Variants in COL14A1 observed in about 807,000 individuals in gnomAD.
COL14A1 encodes collagen alpha-1(XIV) chain.
COL14A1 carries 136 observed loss-of-function variants against 230.3 expected under a neutral mutation model. The ratio of observed to expected loss-of-function variants is 0.59; its 90% CI spans 0.51 to 0.68. The LOEUF (loss-of-function observed/expected upper bound fraction) is 0.68, where lower values mean the gene tolerates loss of function less well. Among genes scored for constraint, COL14A1 ranks in the 30% least tolerant of loss-of-function variants. COL14A1 has a pLI of 0.00. For missense variants in COL14A1, 1,976 were observed against 2,215.8 expected, an observed-to-expected ratio of 0.89 and a Z score of 2.17; for synonymous variants, 792 against 784.1, an observed-to-expected ratio of 1.01 and a Z score of -0.17.
At chr8:120,321,340 G>C (rs912179915) in intron 40 of COL14A1, among the ~76,000 whole-genome samples, 3 of 152,018 alleles carry the variant, frequency 2.0e-5, no homozygotes, top group Non-Finnish European at 4.4e-5. Context: ...TGTTTTTACT[G>C]ACTCTAGAGA....
chr8:120,175,051 G>T (rs1816234210), intron 5 of COL14A1, among the ~76,000 whole-genome samples: 1 of 152,180 alleles, frequency 6.6e-6, no homozygotes, highest in Non-Finnish European at 1.5e-5. Flanking sequence ...AGTCTACACT[G>T]ATAGTGGCTG....
chr8:120,147,844 TGAA>T lies in COL14A1; in HGVS notation c.5_7del (p.Lys2?), dbSNP rs778945405. ...CCCATGTAAAAAGCGGAAAATAAAA[TGAA>T]GATTTTCCAGCGCAAGATGCGGTAC... is the stretch of plus-strand genomic sequence containing the variant. On this transcript the variant is annotated start_lost and inframe_deletion, in exon 2 of 48. Transcript: ENST00000297848. 1 of 1,612,918 alleles carries T rather than the reference TGAA, an allele frequency of 6.2e-7. No individual in the cohort carries two copies. The highest frequency in any genetic ancestry group is 8.5e-7 in the Non-Finnish European group (1 of 1,179,480).
chr8:120,239,182 C>G (rs1228168495), intron 19 of COL14A1, among the ~76,000 whole-genome samples: 1 of 152,152 alleles, frequency 6.6e-6, no homozygotes, highest in Non-Finnish European at 1.5e-5. Flanking sequence ...CCTGAAAATT[C>G]TTTCTTAGAC....
At chr8:120,308,965 A>G (rs1448568432) in intron 36 of COL14A1, among the ~76,000 whole-genome samples, 3 of 152,106 alleles carry the variant, frequency 2.0e-5, no homozygotes, top group Non-Finnish European at 4.4e-5. Context: ...TTTGAGAGGG[A>G]GTCTCACTTT....
At chr8:120,182,323 C>T (rs1816487812) in intron 5 of COL14A1, among the ~76,000 whole-genome samples, 1 of 152,180 alleles carries the variant, frequency 6.6e-6, no homozygotes. Flanking sequence ...TAACTTCCTT[C>T]TTGTCTAAGA....
intron 16 of COL14A1, 152 bp downstream of exon 16, chr8:120,226,918 G>T: frequency 4.3e-6 from 3 of 705,320 alleles, no homozygotes; most frequent in Non-Finnish European, 4.4e-6. Context: ...CAAATCATAA[G>T]ATTTTCCTAA....
chr8:120,260,239 A>G (rs1386363145), intron 23 of COL14A1, among the ~76,000 whole-genome samples: 1 of 152,146 alleles, frequency 6.6e-6, no homozygotes, highest in African/African-American at 2.4e-5. Context: ...TTGTCCATAG[A>G]CAAAATTTAA....
chr8:120,341,480 G>C, intron 43 of COL14A1, 120 bp downstream of exon 43: 1 of 1,088,600 alleles, frequency 9.2e-7, no homozygotes. Flanking sequence ...ACCAGTCTCT[G>C]TTTCTCCCTT....
chr8:120,152,044 C>G (rs1403035307), intron 2 of COL14A1, among the ~76,000 whole-genome samples: 1 of 152,108 alleles, frequency 6.6e-6, no homozygotes, highest in Non-Finnish European at 1.5e-5. Flanking sequence ...CCGACACCAT[C>G]CTTTTAGCCC....
chr8:120,135,981 A>G (rs1156612554), intron 1 of COL14A1, among the ~76,000 whole-genome samples: 2 of 152,144 alleles, frequency 1.3e-5, no homozygotes, highest in East Asian at 1.9e-4. Context: ...CTAAATTATT[A>G]GTTCAAGTAG....
At chr8:120,154,167 G>A (rs779179969) in intron 2 of COL14A1, among the ~76,000 whole-genome samples, 9 of 152,130 alleles carry the variant, frequency 5.9e-5, no homozygotes, top group Non-Finnish European at 1.3e-4. Flanking sequence ...GTATCTTTAC[G>A]TAGATTGTCA....
At chr8:120,134,081 C>T (rs1258046155) in intron 1 of COL14A1, among the ~76,000 whole-genome samples, 3 of 151,786 alleles carry the variant, frequency 2.0e-5, no homozygotes, top group Non-Finnish European at 2.9e-5. Flanking sequence ...TTAAAGTGCT[C>T]ATGAAGAAAT....
At position 120,196,798 on chromosome 8, in the gene COL14A1, A is replaced by G. The variant is rs1371031723; in HGVS notation, c.444A>G (p.Lys148=). The part of the protein sequence containing the change: ...GSRPSSPEEV[K]FVCQTPAIAD... The stretch of plus-strand genomic sequence containing the variant: ...CTGGTTTGTGCTTTGCAGAAGTGAA[A>G]TTTGTCTGTCAAACTCCAGCAATTG... The change falls in exon 6 of 48, where the codon AAA becomes AAG. Residue 148 remains lysine, a synonymous_variant. Transcript: ENST00000297848. 1.2e-6 allele frequency: 2 copies of G among 1,613,634 alleles called. No individual in the cohort carries two copies. Among genetic ancestry groups the G allele is most frequent in the East Asian group, 2.2e-5 (1 of 44,842 alleles).
At chr8:120,262,440 C>G (rs1730705774) in intron 23 of COL14A1, among the ~76,000 whole-genome samples, 1 of 151,852 alleles carries the variant, frequency 6.6e-6, no homozygotes, top group Admixed American at 6.6e-5. Flanking sequence ...CCATTGCACT[C>G]CAGCCTGGAT....
chr8:120,162,343 A>G (rs1368863294), intron 3 of COL14A1, 83 bp from the exon 4 acceptor site: 3 of 1,180,716 alleles, frequency 2.5e-6, no homozygotes, highest in East Asian at 4.9e-5. Context: ...GTTTAACACC[A>G]TAATTGCTAA....
intron 12 of COL14A1, among the ~76,000 whole-genome samples, chr8:120,210,680 C>T (rs948680590): frequency 6.6e-6 from 1 of 152,138 alleles, no homozygotes; most frequent in African/African-American, 2.4e-5. Flanking sequence ...GGATGAATCT[C>T]TGGCACTTGG....
chr8:120,293,686 A>G (rs1424480101), intron 34 of COL14A1, among the ~76,000 whole-genome samples: 1 of 151,858 alleles, frequency 6.6e-6, no homozygotes, highest in Non-Finnish European at 1.5e-5. Context: ...TCTGATAATT[A>G]TAGAATAAAG....
At chr8:120,362,464 A>G (rs2130371794) in intron 45 of COL14A1, among the ~76,000 whole-genome samples, 2 of 152,302 alleles carry the variant, frequency 1.3e-5, no homozygotes, top group Middle Eastern at 6.8e-3. Context: ...ATATTTCTTG[A>G]GTGCTTAATG....
chr8:120,356,699 G>A (rs144853872), intron 45 of COL14A1, among the ~76,000 whole-genome samples: 10 of 151,752 alleles, frequency 6.6e-5, no homozygotes, highest in African/African-American at 2.2e-4. Context: ...GAGCACTCCA[G>A]CCAGGTGAAC....
Sources: gnomAD v4.1 joint callset for allele counts (sites outside exome capture counted in the v4.1 genomes callset) on GRCh38, gnomAD v4.1.1 for gene constraint, MANE v1.5 for transcripts, NCBI Gene and HGNC (gene_info 2026-07-23, HGNC 2026-07-21) for gene names.